Variants in NALF1 observed in about 807,000 individuals in gnomAD.
The protein encoded by NALF1 is NALCN channel auxiliary factor 1.
In NALF1, 3 loss-of-function variants were observed where a neutral mutation model predicts 48.4. That is an observed-to-expected ratio of 0.06 (90% confidence interval 0.03 to 0.16). The LOEUF (loss-of-function observed/expected upper bound fraction) is 0.16. Among genes scored for constraint, NALF1 ranks in the 10% least tolerant of loss-of-function variants. NALF1 has a pLI of 1.00. For synonymous variants in NALF1, 262 were observed against 245.7 expected (o/e 1.07, Z -0.62); for missense variants, 526 against 571.5 (o/e 0.92, Z 0.81).
At chr13:107,236,646 G>A (rs1880347822) in intron 1 of NALF1, among the ~76,000 whole-genome samples, 1 of 151,488 alleles carries the variant, frequency 6.6e-6, no homozygotes, top group Non-Finnish European at 1.5e-5. Context: ...CTTAATTATG[G>A]CACTATCTAT....
intron 1 of NALF1, among the ~76,000 whole-genome samples, chr13:107,858,682 GT>G (rs1213881925): frequency 5.3e-5 from 8 of 152,150 alleles, no homozygotes; most frequent in African/African-American, 1.4e-4. Flanking sequence ...GTGAGACACT[GT>G]CTCAAAATAG....
At chr13:107,626,763 T>C (rs1463760086) in intron 1 of NALF1, among the ~76,000 whole-genome samples, 2 of 151,814 alleles carry the variant, frequency 1.3e-5, no homozygotes, top group African/African-American at 4.8e-5. Flanking sequence ...AGTAGACTGG[T>C]GGTTCCCAGA....
chr13:107,483,352 G>C (rs181314952), intron 1 of NALF1, among the ~76,000 whole-genome samples: 164 of 152,174 alleles, frequency 1.1e-3, no homozygotes, highest in Non-Finnish European at 1.7e-3. Context: ...TCAATGGCTT[G>C]TCACATTTTA....
At chr13:107,552,058 A>G (rs992304765) in intron 1 of NALF1, among the ~76,000 whole-genome samples, 10 of 152,204 alleles carry the variant, frequency 6.6e-5, no homozygotes, top group African/African-American at 2.4e-4. Flanking sequence ...CTTGACAAGA[A>G]TATATCCCCT....
At chr13:107,365,422 T>C (rs1311132152) in intron 1 of NALF1, among the ~76,000 whole-genome samples, 1 of 152,098 alleles carries the variant, frequency 6.6e-6, no homozygotes, top group Non-Finnish European at 1.5e-5. Flanking sequence ...AGAAACTTCT[T>C]GCTACAAATA....
intron 1 of NALF1, among the ~76,000 whole-genome samples, chr13:107,832,533 C>A (rs537610266): frequency 1.3e-5 from 2 of 152,214 alleles, no homozygotes; most frequent in African/African-American, 4.8e-5. Flanking sequence ...AACTGAACTC[C>A]ACACCATCAC....
intron 1 of NALF1, among the ~76,000 whole-genome samples, chr13:107,691,751 G>A (rs1790004135): frequency 6.6e-6 from 1 of 152,120 alleles, no homozygotes; most frequent in South Asian, 2.1e-4. Flanking sequence ...GTCAAGAAGA[G>A]TCTAAAGATT....
chr13:107,308,919 T>C (rs1881992405), intron 1 of NALF1, among the ~76,000 whole-genome samples: 1 of 152,244 alleles, frequency 6.6e-6, no homozygotes, highest in South Asian at 2.1e-4. Context: ...CTCTGTCTTA[T>C]CTGCTCATTA....
At chr13:107,554,595 A>C (rs1303664303) in intron 1 of NALF1, among the ~76,000 whole-genome samples, 1 of 152,196 alleles carries the variant, frequency 6.6e-6, no homozygotes, top group Non-Finnish European at 1.5e-5. Flanking sequence ...GCCCAGACCC[A>C]AGAACTGGCA....
intron 1 of NALF1, among the ~76,000 whole-genome samples, chr13:107,853,372 T>C (rs1383478313): frequency 6.6e-6 from 1 of 152,240 alleles, no homozygotes; most frequent in Non-Finnish European, 1.5e-5. Flanking sequence ...AAACAATGTT[T>C]TAAATCTTTG....
chr13:107,256,912 CTGT>C lies in NALF1; in HGVS notation c.916-46160_916-46158del, dbSNP rs1479927163. Among the ~76,000 whole-genome samples the C allele has an allele frequency of 4.6e-5, 7 of 152,160 alleles. No individual in the cohort carries two copies. The East Asian group carries it at 9.6e-4, about 21-fold the overall frequency. Reference sequence around the variant, plus strand: ...ACTAAGCTTAGGGATGCATCTAAGTCTGTTGTTGTATTAGTCTGTTTTCACACT... The same window carrying C: ...ACTAAGCTTAGGGATGCATCTAAGTCTGTTGTATTAGTCTGTTTTCACACT... On this transcript the variant is annotated intron_variant, in intron 1 of 2. Transcript: ENST00000375915.
chr13:107,262,697 C>T (rs1478775788), intron 1 of NALF1, among the ~76,000 whole-genome samples: 1 of 151,526 alleles, frequency 6.6e-6, no homozygotes, highest in East Asian at 1.9e-4. Flanking sequence ...GATAGATGCT[C>T]CATTTTTTCC....
At chr13:107,176,659 A>T (rs1479858432) in intron 2 of NALF1, among the ~76,000 whole-genome samples, 1 of 151,998 alleles carries the variant, frequency 6.6e-6, no homozygotes, top group Non-Finnish European at 1.5e-5. Context: ...AATTAAAAAA[A>T]AATAATAATA....
At chr13:107,255,070 C>T (rs1022367880) in intron 1 of NALF1, among the ~76,000 whole-genome samples, 3 of 152,122 alleles carry the variant, frequency 2.0e-5, no homozygotes, top group African/African-American at 7.2e-5. Flanking sequence ...CAATTTCCTA[C>T]CCCATAGAAA....
At chr13:107,610,926 G>C (rs1879207886) in intron 1 of NALF1, among the ~76,000 whole-genome samples, 1 of 152,162 alleles carries the variant, frequency 6.6e-6, no homozygotes, top group Non-Finnish European at 1.5e-5. Flanking sequence ...GGAGGAGGTA[G>C]GTGTCAATAA....
chr13:107,701,328 T>G (rs931346768), intron 1 of NALF1, among the ~76,000 whole-genome samples: 5 of 152,154 alleles, frequency 3.3e-5, no homozygotes, highest in African/African-American at 9.7e-5. Context: ...TCCTGCCATT[T>G]GCCACACATG....
chr13:107,490,573 T>C (rs1404542040), intron 1 of NALF1, among the ~76,000 whole-genome samples: 1 of 151,832 alleles, frequency 6.6e-6, no homozygotes, highest in African/African-American at 2.4e-5. Flanking sequence ...GGGTGATGGG[T>C]GGGAAAAGGG....
intron 2 of NALF1, among the ~76,000 whole-genome samples, chr13:107,209,988 T>C (rs886952768): frequency 1.3e-5 from 2 of 152,192 alleles, no homozygotes; most frequent in African/African-American, 2.4e-5. Flanking sequence ...AGTGCTGATA[T>C]TGGTGTTTTG....
chr13:107,540,224 G>C (rs1310400134), intron 1 of NALF1, among the ~76,000 whole-genome samples: 1 of 152,030 alleles, frequency 6.6e-6, no homozygotes, highest in African/African-American at 2.4e-5. Flanking sequence ...GTAGGAATAG[G>C]ATTTTACATG....
Sources: gnomAD v4.1 joint callset for allele counts (sites outside exome capture counted in the v4.1 genomes callset) on GRCh38, gnomAD v4.1.1 for gene constraint, MANE v1.5 for transcripts, NCBI Gene and HGNC (gene_info 2026-07-23, HGNC 2026-07-21) for gene names.